EMSY: variants seen among roughly 807,000 people sequenced by gnomAD.
The protein encoded by EMSY is BRCA2-interacting transcriptional repressor EMSY.
EMSY carries 26 observed loss-of-function variants against 134.6 expected under a neutral mutation model. The observed-to-expected ratio is 0.19, with a 90% CI of 0.14 to 0.27. The LOEUF (loss-of-function observed/expected upper bound fraction) is 0.27. Ranked by LOEUF, EMSY falls within the 10% of genes least tolerant of loss-of-function variation. The probability of loss-of-function intolerance (pLI) is 1.00; values close to 1 mark genes in which losing one functional copy is unlikely to be tolerated. For synonymous variants in EMSY, 579 were observed against 577.8 expected, an observed-to-expected ratio of 1.00 and a Z score of -0.03; for missense variants, 1,305 against 1,611.4, an observed-to-expected ratio of 0.81 and a Z score of 3.26.
chr11:76,462,413 T>C (rs1209189191), intron 6 of EMSY, among the ~76,000 whole-genome samples: 1 of 152,234 alleles, frequency 6.6e-6, no homozygotes, highest in Admixed American at 6.5e-5. Context: ...ACTTTGTATG[T>C]GCAAGGCACT....
intron 4 of EMSY, chr11:76,453,847 CTGTCTT>C (rs1359572872): frequency 1.3e-5 from 2 of 152,072 alleles, no homozygotes; most frequent in African/African-American, 4.8e-5. Flanking sequence ...AATTTGTGTT[CTGTCTT>C]TAAGAAATAT....
In EMSY at chr11:76,543,892, T is replaced by C. The variant is rs552931806; in HGVS notation, c.2710-367T>C. On this transcript the variant is annotated intron_variant, in intron 18 of 20. Transcript: ENST00000334736. ...TTGGCTTTTCTCGGGACCTCATGGC[T>C]TGGTTACCGCTTTTAGAGAGGTTAA... is the stretch of plus-strand genomic sequence containing the variant. Among the ~76,000 whole-genome samples the C allele has an allele frequency of 2.0e-5, 3 of 152,296 alleles. No individual in the cohort carries two copies. The South Asian group carries it at 6.2e-4, about 32-fold the overall frequency.
At position 76,472,176 on chromosome 11, in the gene EMSY, T is replaced by A. The variant is rs573196569; in HGVS notation, c.832-388T>A. On this transcript the variant is annotated intron_variant, in intron 7 of 20. Coordinates refer to ENST00000334736, the Ensembl canonical transcript of EMSY. ...TCAGCTTTGTTTCTTTTGTTCATTCTTCTATTCTCCAGCGTCTAGAACCAT... is the reference window on the plus strand; with the variant it reads ...TCAGCTTTGTTTCTTTTGTTCATTCATCTATTCTCCAGCGTCTAGAACCAT... Among the ~76,000 whole-genome samples, 28 of 152,350 alleles carry A rather than the reference T, an allele frequency of 1.8e-4. 1 individual carries two copies. In the East Asian group the frequency reaches 4.4e-3, roughly 24 times the overall value.
At chr11:76,500,731 C>A (rs955194502) in intron 9 of EMSY, among the ~76,000 whole-genome samples, 1 of 152,224 alleles carries the variant, frequency 6.6e-6, no homozygotes, top group African/African-American at 2.4e-5. Flanking sequence ...CCCAAAGTGA[C>A]TGTAAGTATA....
intron 9 of EMSY, chr11:76,497,211 A>G (rs1443060027): frequency 2.0e-5 from 3 of 152,214 alleles, no homozygotes; most frequent in Non-Finnish European, 4.4e-5. Context: ...CCAGCCTTGC[A>G]TATTTGAAAT....
chr11:76,473,343 G>A (rs997756829), intron 8 of EMSY, among the ~76,000 whole-genome samples: 2 of 150,464 alleles, frequency 1.3e-5, no homozygotes, highest in African/African-American at 4.9e-5. Context: ...GTCTCGCTCT[G>A]TCACCCAGGC....
chr11:76,463,015 G>T (rs1948188039), intron 6 of EMSY, among the ~76,000 whole-genome samples: 1 of 152,174 alleles, frequency 6.6e-6, no homozygotes, highest in Non-Finnish European at 1.5e-5. Context: ...ATGGCCATAG[G>T]TTTAAAGAAA....
Position 76,536,814 on chromosome 11 carries a change from A to G in EMSY, c.2359+755A>G, listed in dbSNP as rs180728056. On this transcript the variant is annotated intron_variant, in intron 15 of 20. Transcript: ENST00000334736. ...AGGTTATCCAGTTGATTAGTGGCAGAGTGAGACTCATCTTTTGGTTCCTAG... is the reference window on the plus strand; with the variant it reads ...AGGTTATCCAGTTGATTAGTGGCAGGGTGAGACTCATCTTTTGGTTCCTAG... Among the ~76,000 whole-genome samples, 342 of 152,324 alleles carry G rather than the reference A, an allele frequency of 2.2e-3. 1 individual carries two copies. The highest frequency in any genetic ancestry group is 4.1e-3 in the Non-Finnish European group (280 of 68,028).
At chr11:76,550,035 C>T (rs1250906538) in exon 21 of EMSY, 6 of 1,613,780 alleles carry the variant, frequency 3.7e-6, no homozygotes, top group Admixed American at 1.7e-5. Flanking sequence ...TAAACAACTT[C>T]ACTAGTCAAC....
chr11:76,481,406 C>A (rs755129081), intron 8 of EMSY, among the ~76,000 whole-genome samples: 1 of 152,290 alleles, frequency 6.6e-6, no homozygotes, highest in African/African-American at 2.4e-5. Flanking sequence ...ACCATTCACT[C>A]CCCTGGAAAG....
At chr11:76,464,137 A>G (rs924075167) in intron 7 of EMSY, 57 bp downstream of exon 8, 1 of 1,592,552 alleles carries the variant, frequency 6.3e-7, no homozygotes, top group African/African-American at 1.3e-5. Flanking sequence ...AGTATGATTC[A>G]GATTTAATAA....
intron 8 of EMSY, among the ~76,000 whole-genome samples, chr11:76,480,110 T>TG (rs1948912650): frequency 6.6e-6 from 1 of 152,242 alleles, no homozygotes; most frequent in Non-Finnish European, 1.5e-5. Context: ...AACTATCTTA[T>TG]GCCAGAACAA....
chr11:76,495,464 A>G (rs534386021), intron 8 of EMSY, among the ~76,000 whole-genome samples: 2 of 152,178 alleles, frequency 1.3e-5, no homozygotes, highest in Admixed American at 1.3e-4. Context: ...ACAGATGAAA[A>G]ACCTGCGAGA....
intron 14 of EMSY, among the ~76,000 whole-genome samples, chr11:76,530,274 C>T (rs1950989751): frequency 6.6e-6 from 1 of 151,446 alleles, no homozygotes. Context: ...ATTCTCCTGC[C>T]TCAGCCTCCC....
Position 76,539,580 on chromosome 11 carries a change from C to T in EMSY, c.2516-19C>T, listed in dbSNP as rs918020553. On this transcript the variant is annotated intron_variant, in intron 16 of 20. Coordinates refer to ENST00000334736, the Ensembl canonical transcript of EMSY. ...ACAGATGAAAAGACTATGATTTCTT[C>T]CCTTACTTATCCTTTCAGAACGCAC... 1 of 1,613,066 alleles carries T rather than the reference C, an allele frequency of 6.2e-7. No homozygotes were observed. Among genetic ancestry groups the T allele is most frequent in the Admixed American group, 1.7e-5 (1 of 60,026 alleles).
exon 7 of EMSY, chr11:76,463,991 A>G (rs1948246825): frequency 1.2e-6 from 2 of 1,614,216 alleles, no homozygotes; most frequent in Non-Finnish European, 1.7e-6. Flanking sequence ...CATGCAGAGC[A>G]TTGCCAACTC....
chr11:76,537,250 A>G (rs944648485), intron 15 of EMSY, among the ~76,000 whole-genome samples: 4 of 152,238 alleles, frequency 2.6e-5, no homozygotes, highest in African/African-American at 9.6e-5. Flanking sequence ...ACATTTTTCT[A>G]GAAACAAAGA....
At chr11:76,551,592 G>A (rs919504773), downstream of EMSY, 3 of 152,532 alleles carry the variant, frequency 2.0e-5, no homozygotes, top group Non-Finnish European at 4.4e-5. Flanking sequence ...GATCTCTGGT[G>A]GTTGTCACTA....
chr11:76,499,137 T>G (rs1949758666), intron 9 of EMSY, among the ~76,000 whole-genome samples: 1 of 152,034 alleles, frequency 6.6e-6, no homozygotes, highest in African/African-American at 2.4e-5. Context: ...AACTTTTGTA[T>G]TTTTAGTAGA....
Sources: gnomAD v4.1 joint callset for allele counts (sites outside exome capture counted in the v4.1 genomes callset) on GRCh38, gnomAD v4.1.1 for gene constraint, MANE v1.5 for transcripts, NCBI Gene and HGNC (gene_info 2026-07-23, HGNC 2026-07-21) for gene names.